PADI1: variants seen among roughly 807,000 people sequenced by gnomAD.
PADI1 encodes the protein peptidyl arginine deiminase 1.
PADI1 carries 65 observed loss-of-function variants against 74.8 expected under a neutral mutation model. The ratio of observed to expected loss-of-function variants is 0.87; its 90% confidence interval spans 0.71 to 1.07. The LOEUF (loss-of-function observed/expected upper bound fraction) is 1.07. PADI1 is among the 50% of genes least tolerant of loss of function. PADI1 has a pLI of 0.00. For synonymous variants in PADI1, 371 were observed against 336.2 expected (o/e 1.10, Z -1.13); for missense variants, 943 against 854.0 (o/e 1.10, Z -1.30).
intron 11 of PADI1, among the ~76,000 whole-genome samples, chr1:17,235,887 G>A (rs2072629658): frequency 6.6e-6 from 1 of 152,202 alleles, no homozygotes; most frequent in South Asian, 2.1e-4. Flanking sequence ...GAACTCCCAG[G>A]CACAGAGCAA....
rs765877988 is a variant in PADI1 at position 17,222,386 on chromosome 1, AG to A, written c.191del (p.Gly64AlafsTer7). The A allele has an allele frequency of 8.8e-5, 142 of 1,613,990 alleles. No individual in the cohort carries two copies. The highest frequency in any genetic ancestry group is 7.5e-4 in the Admixed American group (45 of 60,008). ...YNRTRVKEPI[G>X]KARWPLDTDA... Reference sequence around the variant, plus strand: ...ACCGCACACGTGTGAAAGAGCCCATAGGCAAGGCCCGTTGGCCGCTAGACAC... The same window carrying A: ...ACCGCACACGTGTGAAAGAGCCCATAGCAAGGCCCGTTGGCCGCTAGACAC... On this transcript the variant is annotated frameshift_variant, in exon 2 of 16. Coordinates refer to ENST00000375471, the MANE Select transcript of PADI1 (RefSeq NM_013358.3). LOFTEE classifies it high-confidence loss of function.
intron 10 of PADI1, 27 bp from the exon 11 acceptor site, chr1:17,232,792 G>T (rs754773857): frequency 6.3e-7 from 1 of 1,596,782 alleles, no homozygotes. Context: ...CCTTCTTGGG[G>T]TGGGGGTCTC....
Position 17,244,395 on chromosome 1 carries a change from G to T in PADI1, c.*152G>T, listed in dbSNP as rs564664336. Reference sequence around the variant, plus strand: ...CCATGGGCACCAGGACACAGGGATGGATACCACCTACCCTCGCCTCTGGAA... The same window carrying T: ...CCATGGGCACCAGGACACAGGGATGTATACCACCTACCCTCGCCTCTGGAA... On this transcript the variant is annotated 3_prime_UTR_variant, in exon 16 of 16. Transcript: ENST00000375471. 625 of 708,652 alleles carry T rather than the reference G, an allele frequency of 8.8e-4. 14 individuals carry two copies. Among genetic ancestry groups the T allele is most frequent in the South Asian group, 7.2e-3 (484 of 67,154 alleles). 43.9% of individuals were successfully genotyped at this position (708,652 alleles called of 1,614,324 possible).
intron 1 of PADI1, 42 bp from the exon 2 acceptor site, chr1:17,222,248 G>A (rs1192024529): frequency 1.3e-6 from 2 of 1,513,784 alleles, no homozygotes; most frequent in East Asian, 2.3e-5. Context: ...CCTGAAGAGA[G>A]ATGGGAAGAC....
rs1462018235 is a variant in PADI1, at chr1:17,205,295, T to C, written c.78T>C (p.His26=). ...TGTGTGTGGTGGGAGTCGAGGCACA[T>C]GTGGACATTCACAGGTAAGAGCTGG... ...HAVCVVGVEA[H]VDIHSDVPKG... Residue 26 remains histidine, a synonymous_variant, in exon 1 of 16, where the codon CAT becomes CAC. Transcript: ENST00000375471. The C allele has an allele frequency of 3.1e-6, 5 of 1,613,706 alleles. No individual in the cohort carries two copies. In the Admixed American group the frequency reaches 5.0e-5, roughly 16 times the overall value.
intron 14 of PADI1, chr1:17,240,384 A>G (rs1457864635): frequency 5.0e-6 from 2 of 399,944 alleles, no homozygotes; most frequent in Non-Finnish European, 9.3e-6. Context: ...TGTGCTGACA[A>G]GAACATTTGC....
intron 11 of PADI1, among the ~76,000 whole-genome samples, chr1:17,234,251 G>A (rs776222047): frequency 1.3e-5 from 2 of 152,210 alleles, no homozygotes; most frequent in Non-Finnish European, 2.9e-5. Flanking sequence ...TAAAGGTACT[G>A]GGGATACATC....
intron 13 of PADI1, among the ~76,000 whole-genome samples, chr1:17,239,177 T>G (rs1237782362): frequency 6.6e-6 from 1 of 152,118 alleles, no homozygotes; most frequent in East Asian, 1.9e-4. Context: ...CCATCTCCCC[T>G]CCTTATCACA....
chr1:17,241,500 G>A (rs2072777130), intron 15 of PADI1, among the ~76,000 whole-genome samples: 1 of 150,416 alleles, frequency 6.6e-6, no homozygotes, highest in Non-Finnish European at 1.5e-5. Flanking sequence ...GGTTGGAAGT[G>A]AAAGTCGGAA....
intron 2 of PADI1, among the ~76,000 whole-genome samples, chr1:17,222,744 T>C (rs2072193257): frequency 6.6e-6 from 1 of 151,982 alleles, no homozygotes; most frequent in Admixed American, 6.6e-5. Flanking sequence ...ACAGACAACT[T>C]CACATTAATC....
In PADI1 at chr1:17,240,729, A is replaced by G; in HGVS notation, c.1727A>G (p.Asn576Ser). The change falls in exon 15 of 16, where the codon AAC becomes AGC. Residue 576 changes from asparagine to serine, a missense_variant. Transcript: ENST00000375471. ...ATTCCCCAGCTCTTCTTCCTGAAAAACTTCTACGCGGAAGCCTTCTTCCCA... is the reference window on the plus strand; with the variant it reads ...ATTCCCCAGCTCTTCTTCCTGAAAAGCTTCTACGCGGAAGCCTTCTTCCCA... Reference protein sequence around the residue: ...VDIPQLFFLKNFYAEAFFPDM... With the variant: ...VDIPQLFFLKSFYAEAFFPDM... 6.2e-7 allele frequency: 1 copy of G among 1,613,772 alleles called. No individual in the cohort carries two copies. The highest frequency in any genetic ancestry group is 1.1e-5 in the South Asian group (1 of 91,026).
At chr1:17,222,540 T>C in intron 2 of PADI1, 70 bp downstream of exon 2, 1 of 1,215,548 alleles carries the variant, frequency 8.2e-7, no homozygotes, top group Non-Finnish European at 1.2e-6. Flanking sequence ...AGCCCCACAT[T>C]GGCAATTCCC....
chr1:17,226,235 T>C, intron 6 of PADI1, 77 bp downstream of exon 6: 3 of 1,511,228 alleles, frequency 2.0e-6, no homozygotes. Context: ...TCTCTCTTTT[T>C]TTCCATCACC....
chr1:17,238,735 CT>C lies in PADI1; in HGVS notation c.1552+27del, dbSNP rs2072710523. The C allele has an allele frequency of 9.8e-6, 12 of 1,223,256 alleles. No homozygotes were observed. The East Asian group carries it at 3.2e-4, about 32-fold the overall frequency. 75.8% of individuals were successfully genotyped at this position (1,223,256 alleles called of 1,614,324 possible). A position where few individuals can be genotyped will look rare whatever the true frequency, so the allele number is the denominator to read the frequency against. ...GTGAGTGCCAATGACCCGGTCACCCCTGGGGGACCCTGCCCTTTCATCACCA... is the reference window on the plus strand; with the variant it reads ...GTGAGTGCCAATGACCCGGTCACCCCGGGGGACCCTGCCCTTTCATCACCA... On this transcript the variant is annotated intron_variant, in intron 13 of 15. Coordinates refer to ENST00000375471, the MANE Select transcript of PADI1 (RefSeq NM_013358.3).
At position 17,205,741 on chromosome 1, in the gene PADI1, G is replaced by A. The variant is rs117736485; in HGVS notation, c.92+432G>A. Reference sequence around the variant, plus strand: ...GGTGAAGGGACGTGTGTGGTAGCTTGACCCTTGGAGGTCAGCCAGAGATAA... The same window carrying A: ...GGTGAAGGGACGTGTGTGGTAGCTTAACCCTTGGAGGTCAGCCAGAGATAA... On this transcript the variant is annotated intron_variant, in intron 1 of 15. Coordinates refer to ENST00000375471, the MANE Select transcript of PADI1 (RefSeq NM_013358.3). Among the ~76,000 whole-genome samples the A allele has an allele frequency of 2.0e-3, 299 of 152,292 alleles. 1 individual carries two copies. Among genetic ancestry groups the A allele is most frequent in the African/African-American group, 6.9e-3 (286 of 41,572 alleles).
chr1:17,232,130 T>C (rs1222904660), intron 10 of PADI1, among the ~76,000 whole-genome samples: 1 of 151,850 alleles, frequency 6.6e-6, no homozygotes, highest in African/African-American at 2.4e-5. Context: ...GTATTTTTAG[T>C]AGAGATGGGG....
At chr1:17,241,035 C>T (rs1317249988) in intron 15 of PADI1, among the ~76,000 whole-genome samples, 1 of 152,164 alleles carries the variant, frequency 6.6e-6, no homozygotes, top group Admixed American at 6.5e-5. Context: ...GCATAGGATG[C>T]CCCGCCACAA....
intron 13 of PADI1, 66 bp from the exon 14 acceptor site, chr1:17,239,638 C>T (rs1393053320): frequency 8.4e-7 from 1 of 1,190,356 alleles, no homozygotes; most frequent in East Asian, 2.3e-5. Flanking sequence ...GATTATGTAG[C>T]CCCAGGCTGA....
chr1:17,228,746 T>C lies in PADI1; in HGVS notation c.774T>C (p.Asp258=), dbSNP rs1298611496. ...ATGTGGAGGGGCTGACCTTCCCCGA[T>C]GCCGATTTCCTAGGGCTGGTTTCCC... ...KFYVEGLTFP[D]ADFLGLVSLS... The change falls in exon 7 of 16, where the codon GAT becomes GAC. Residue 258 remains aspartate (D), a synonymous_variant. Transcript: ENST00000375471. The C allele has an allele frequency of 6.2e-7, 1 of 1,614,206 alleles. No individual in the cohort carries two copies. The highest frequency in any genetic ancestry group is 8.5e-7 in the Non-Finnish European group (1 of 1,180,034).
Sources: allele counts gnomAD v4.1 joint callset (sites outside exome capture counted in the v4.1 genomes callset), GRCh38; gene constraint gnomAD v4.1.1; transcripts MANE v1.5; gene names NCBI Gene and HGNC (gene_info 2026-07-23, HGNC 2026-07-21).